Variants in TAF1C observed in about 807,000 individuals in gnomAD.
TAF1C encodes the protein TATA-box binding protein associated factor, RNA polymerase I subunit C, also known as TATA box-binding protein-associated factor RNA polymerase I subunit C.
Under a neutral mutation model 70.5 loss-of-function variants are expected in TAF1C, and 79 were observed. That is an observed-to-expected ratio of 1.12 (90% CI 0.93 to 1.35). The LOEUF (loss-of-function observed/expected upper bound fraction) is 1.35, where lower values mean the gene tolerates loss of function less well. TAF1C is among the 40% of genes most tolerant of loss of function. TAF1C has a pLI of 0.00. For synonymous variants in TAF1C, 614 were observed against 491.1 expected (o/e 1.25, Z -3.31); for missense variants, 1,412 against 1,127.8 (o/e 1.25, Z -3.61).
Position 84,180,019 on chromosome 16 carries a change from G to A in TAF1C, c.1548C>T (p.Ser516=). ...GCTCCAGCAGAGGAAATGCAGGGAGGGAGTCGATCCTGGAAGGAAGAGACT... is the reference window on the plus strand; with the variant it reads ...GCTCCAGCAGAGGAAATGCAGGGAGAGAGTCGATCCTGGAAGGAAGAGACT... The part of the protein sequence containing the change: ...PPQSLPSRID[S]LPAFPLLEPK... Residue 516 remains serine (S), a synonymous_variant, in exon 14 of 15, where the codon TCC becomes TCT. Coordinates refer to ENST00000566732, the MANE Select transcript of TAF1C (RefSeq NM_001243156.2). 1.2e-6 allele frequency: 2 copies of A among 1,611,352 alleles called. No homozygotes were observed.
chr16:84,183,375 G>A (rs1181149293), intron 4 of TAF1C, 35 bp downstream of exon 4: 5 of 1,613,688 alleles, frequency 3.1e-6, no homozygotes, highest in South Asian at 1.1e-5. Context: ...ACAGTCTCCA[G>A]GCTACGCAGC....
rs2089016027 is a variant in TAF1C at position 84,179,790 on chromosome 16, C to G, written c.1683G>C (p.Gln561His). 6.2e-7 allele frequency: 1 copy of G among 1,610,256 alleles called. No homozygotes were observed. The highest frequency in any genetic ancestry group is 8.5e-7 in the Non-Finnish European group (1 of 1,178,904). ...AGAAGACATCTCCCGCCGCCGAGAG[C>G]TGGAAGAGCACCAGGCCTGGTGTGG... ...SAPTPGLVLF[Q>H]LSAAGDVFYQ... Residue 561 changes from glutamine to histidine, a missense_variant, in exon 15 of 15, where the codon CAG (glutamine) becomes CAC (histidine). By Grantham distance (24) the Gln-to-His change is conservative (BLOSUM62 0). Coordinates refer to ENST00000566732, the MANE Select transcript of TAF1C (RefSeq NM_001243156.2).
At chr16:84,181,911 T>G in intron 8 of TAF1C, 31 bp downstream of exon 8, 1 of 1,614,054 alleles carries the variant, frequency 6.2e-7, no homozygotes, top group Non-Finnish European at 8.5e-7. Flanking sequence ...GGTCAGCCAG[T>G]GAGGGAGGAA....
chr16:84,180,596 G>C, intron 12 of TAF1C: 2 of 581,936 alleles, frequency 3.4e-6, no homozygotes, highest in Non-Finnish European at 5.7e-6. Flanking sequence ...AGAGGTGTGG[G>C]GGAGCCTTGC....
intron 5 of TAF1C, 44 bp from the exon 6 acceptor site, chr16:84,183,193 C>A: frequency 6.2e-7 from 1 of 1,613,900 alleles, no homozygotes; most frequent in South Asian, 1.1e-5. Flanking sequence ...CTCGAGTTCA[C>A]CCCTGAAGGA....
At position 84,182,217 on chromosome 16, in the gene TAF1C, C is replaced by T. The variant is rs763078093; in HGVS notation, c.706G>A (p.Ala236Thr). 2.3e-5 allele frequency: 37 copies of T among 1,610,634 alleles called. No homozygotes were observed. Among genetic ancestry groups the T allele is most frequent in the Middle Eastern group, 1.6e-4 (1 of 6,072 alleles). ...FGQLVYPAGGAQDRLHFQEVV... is the reference protein window; with the variant it reads ...FGQLVYPAGGTQDRLHFQEVV... ...GAAAGGATACGCAGCCTGTCCTGGG[C>T]GCCTCCAGCAGGGTAGACCAGCTGC... Residue 236 changes from alanine to threonine, a missense_variant, in exon 7 of 15, where the codon GCC becomes ACC. By Grantham distance (58) the Ala-to-Thr change is moderately conservative. Coordinates refer to ENST00000566732, the MANE Select transcript of TAF1C (RefSeq NM_001243156.2). The surrounding 1 kb of genome is among the most constrained non-coding windows in gnomAD (Gnocchi z 5.0).
chr16:84,183,387 C>T (rs771839516), intron 4 of TAF1C, 23 bp downstream of exon 4: 21 of 1,613,564 alleles, frequency 1.3e-5, no homozygotes, highest in Non-Finnish European at 1.7e-5. Flanking sequence ...CTACGCAGCA[C>T]TGTCCCCCGT....
rs769665802 is a variant in TAF1C at position 84,182,170 on chromosome 16, G to C, written c.721+32C>G. 37 of 1,595,764 alleles carry C rather than the reference G, an allele frequency of 2.3e-5. No homozygotes were observed. In the African/African-American group the frequency reaches 4.0e-4, roughly 17 times the overall value. The stretch of plus-strand genomic sequence containing the variant: ...CACCTCCTCTACCAGAGGCGAGCCC[G>C]CTGGAATCTCCTGTCTCGCAAGAAA... On this transcript the variant is annotated intron_variant, in intron 7 of 14. Transcript: ENST00000566732. The surrounding 1 kb of genome is among the most constrained non-coding windows in gnomAD (Gnocchi z 5.0).
Position 84,183,694 on chromosome 16 carries a change from T to C in TAF1C, c.220+3A>G. 6.2e-7 allele frequency: 1 copy of C among 1,610,658 alleles called. No homozygotes were observed. The highest frequency in any genetic ancestry group is 8.5e-7 in the Non-Finnish European group (1 of 1,178,042). On this transcript the variant is annotated splice_donor_region_variant and intron_variant, in intron 3 of 14. Coordinates refer to ENST00000566732, the MANE Select transcript of TAF1C (RefSeq NM_001243156.2). The stretch of plus-strand genomic sequence containing the variant: ...AGTGAGCCCGGGGGAATGAGACCCT[T>C]ACCGATGAGGGGAGGCAGCATGGGG...
At chr16:84,180,828 C>A in intron 12 of TAF1C, 3 of 1,377,462 alleles carry the variant, frequency 2.2e-6, no homozygotes, top group African/African-American at 1.5e-5. Flanking sequence ...CACCTCGAAG[C>A]TCTACTAAGG....
Position 84,179,045 on chromosome 16 carries a change from G to T in TAF1C, c.2428C>A (p.Pro810Thr), listed in dbSNP as rs2088917644. 1.2e-6 allele frequency: 2 copies of T among 1,610,918 alleles called. No individual in the cohort carries two copies. Among genetic ancestry groups the T allele is most frequent in the Non-Finnish European group, 8.5e-7 (1 of 1,179,864 alleles). The change falls in exon 15 of 15, where the codon CCC (proline) becomes ACC (threonine). Residue 810 changes from proline to threonine, a missense_variant. Transcript: ENST00000566732. ...RDTPGCATTP[P>T]HSQASSVRAT... The stretch of plus-strand genomic sequence containing the variant: ...CGGACGCTGGAGGCCTGGGAGTGGG[G>T]AGGTGTGGTGGCACAGCCTGGGGTG...
intron 3 of TAF1C, 80 bp downstream of exon 3, chr16:84,183,617 G>A: frequency 1.9e-6 from 3 of 1,547,004 alleles, no homozygotes; most frequent in Admixed American, 3.4e-5. Flanking sequence ...TTAGCAGGGA[G>A]AGGAAGGTCT....
chr16:84,180,630 T>C (rs4150161), intron 12 of TAF1C: 81,117 of 614,604 alleles, frequency 0.13, 5,962 homozygotes, highest in South Asian at 0.24. Context: ...CCTGGCCTTC[T>C]CGCAGCCACC....
chr16:84,183,497 G>GCAGA lies in TAF1C; in HGVS notation c.230_231insTCTG (p.Pro78LeufsTer29), dbSNP rs772732736. ...GCAGGTCCCGGGCAGTCAGGCCAGG[G>GCAGA]TCCCAGGGATCTGAGAAGGAGGTTA... On this transcript the variant is annotated frameshift_variant, in exon 4 of 15. Transcript: ENST00000566732. LOFTEE classifies it high-confidence loss of function. 6.2e-7 allele frequency: 1 copy of GCAGA among 1,610,376 alleles called. No individual in the cohort carries two copies.
intron 8 of TAF1C, 33 bp downstream of exon 8, chr16:84,181,909 A>G: frequency 6.2e-7 from 1 of 1,614,140 alleles, no homozygotes; most frequent in Non-Finnish European, 8.5e-7. Flanking sequence ...CAGGTCAGCC[A>G]GTGAGGGAGG....
At position 84,181,337 on chromosome 16, in the gene TAF1C, C is replaced by G. The variant is rs111530020; in HGVS notation, c.1155G>C (p.Leu385=). The part of the protein sequence containing the change: ...TVGDRTGVKM[L]DTQGPPGCGL... ...TGCCGCCAGCCCGTACCTGAGTGTC[C>G]AGCATCTTCACTCCGGTGCGGTCAC... is the stretch of plus-strand genomic sequence containing the variant. Residue 385 remains leucine, a synonymous_variant, in exon 11 of 15, where the codon CTG becomes CTC. Coordinates refer to ENST00000566732, the MANE Select transcript of TAF1C (RefSeq NM_001243156.2). 7.1e-5 allele frequency: 115 copies of G among 1,613,558 alleles called. 2 individuals are homozygous for G. The highest frequency in any genetic ancestry group is 6.8e-4 in the African/African-American group (51 of 75,040).
In TAF1C at chr16:84,183,726, C is replaced by T; in HGVS notation, c.191G>A (p.Gly64Glu). 6.2e-7 allele frequency: 1 copy of T among 1,612,952 alleles called. No homozygotes were observed. The highest frequency in any genetic ancestry group is 1.7e-4 in the Middle Eastern group (1 of 5,974). Residue 64 changes from glycine (G) to glutamate (E), a missense_variant, in exon 3 of 15, where the codon GGG becomes GAG. Coordinates refer to ENST00000566732, the MANE Select transcript of TAF1C (RefSeq NM_001243156.2). ...KDLLWEPATP[G>E]PLPMLPPLID... is the part of the protein sequence containing the mutation. The stretch of plus-strand genomic sequence containing the variant: ...GAGGGGAGGCAGCATGGGGAGAGGC[C>T]CAGGGGTTGCCGGCTCCCACAGCAG...
chr16:84,178,811 G>T lies in TAF1C; in HGVS notation c.*130C>A. On this transcript the variant is annotated 3_prime_UTR_variant, in exon 15 of 15. Transcript: ENST00000566732. The stretch of plus-strand genomic sequence containing the variant: ...CTTCAACTTGGCTCCAAATTGCTTG[G>T]CTCATCATCACAGTGGCCTCCAGAA... The T allele has an allele frequency of 9.8e-7, 1 of 1,017,558 alleles. No homozygotes were observed. Among genetic ancestry groups the T allele is most frequent in the Non-Finnish European group, 1.4e-6 (1 of 710,818 alleles). 63.0% of individuals were successfully genotyped at this position (1,017,558 alleles called of 1,614,324 possible).
intron 3 of TAF1C, 92 bp from the exon 4 acceptor site, chr16:84,183,599 G>T: frequency 1.3e-6 from 2 of 1,543,298 alleles, no homozygotes; most frequent in Non-Finnish European, 1.8e-6. Flanking sequence ...TCCTGAGCAG[G>T]CACAGGCTTA....
Sources: allele counts gnomAD v4.1 joint callset, GRCh38; gene constraint gnomAD v4.1.1; non-coding constraint Gnocchi (gnomAD v3.1); transcripts MANE v1.5; gene names NCBI Gene and HGNC (gene_info 2026-07-23, HGNC 2026-07-21).